The following ATXN1 variants were observed in gnomAD, a reference collection of about 807,000 sequenced individuals.
ATXN1 encodes ataxin 1.
In ATXN1, 8 loss-of-function variants were observed where a neutral mutation model predicts 56.4. The observed-to-expected ratio is 0.14, with a 90% CI of 0.08 to 0.26. The LOEUF is 0.26. Among genes scored for constraint, ATXN1 ranks in the 10% least tolerant of loss-of-function variants. The pLI is 1.00. For synonymous variants in ATXN1, 514 were observed against 494.6 expected (o/e 1.04, Z -0.52); for missense variants, 987 against 1,106.5 (o/e 0.89, Z 1.53).
At chr6:16,438,098 A>G (rs896794471) in intron 6 of ATXN1, among the ~76,000 whole-genome samples, 1 of 152,264 alleles carries the variant, frequency 6.6e-6, no homozygotes, top group Non-Finnish European at 1.5e-5. Context: ...TGCAGTTCAC[A>G]GTACGGTTCA....
At chr6:16,454,636 CAG>C (rs1759829784) in intron 6 of ATXN1, among the ~76,000 whole-genome samples, 1 of 152,214 alleles carries the variant, frequency 6.6e-6, no homozygotes, top group South Asian at 2.1e-4. Context: ...TTGTATTATA[CAG>C]AGACTGGAAC....
chr6:16,339,726 T>C (rs559293390), intron 6 of ATXN1, among the ~76,000 whole-genome samples: 1 of 152,330 alleles, frequency 6.6e-6, no homozygotes, highest in South Asian at 2.1e-4. Flanking sequence ...AAAATCCTAA[T>C]ATGAAAACTT....
chr6:16,652,928 C>T (rs892515537), intron 3 of ATXN1: 2 of 152,178 alleles, frequency 1.3e-5, no homozygotes, highest in Non-Finnish European at 2.9e-5. Flanking sequence ...CAACACTGGG[C>T]TTGAAGGTGC....
At chr6:16,520,957 A>C (rs1004049871) in intron 5 of ATXN1, among the ~76,000 whole-genome samples, 2 of 152,238 alleles carry the variant, frequency 1.3e-5, no homozygotes. Context: ...TAGTTAGGGA[A>C]GAAGACAAAG....
intron 6 of ATXN1, among the ~76,000 whole-genome samples, chr6:16,472,075 G>A (rs924277841): frequency 1.1e-4 from 17 of 152,246 alleles, no homozygotes; most frequent in African/African-American, 2.9e-4. Context: ...TGGTTACAGC[G>A]CTTAAGGTAA....
chr6:16,616,219 TGAAA>T (rs1763206283), intron 3 of ATXN1: 1 of 152,110 alleles, frequency 6.6e-6, no homozygotes, highest in Non-Finnish European at 1.5e-5. Flanking sequence ...GGGAATTAGC[TGAAA>T]GACTCTAGAA....
At chr6:16,358,805 CT>C (rs1761746567) in intron 6 of ATXN1, among the ~76,000 whole-genome samples, 3 of 152,362 alleles carry the variant, frequency 2.0e-5, no homozygotes, top group Admixed American at 2.0e-4. Flanking sequence ...TCCCTGTGCT[CT>C]TGGGGGAGCC....
At position 16,302,570 on chromosome 6, in the gene ATXN1, G is replaced by A. The variant is rs2113366486; in HGVS notation, c.*3759C>T. 1 of 152,694 alleles carries A rather than the reference G, an allele frequency of 6.5e-6. No individual in the cohort carries two copies. The highest frequency in any genetic ancestry group is 2.4e-5 in the African/African-American group (1 of 41,556). The allele number at this position is 152,694 out of a possible 1,614,324, so 9.5% of individuals were successfully genotyped here. On this transcript the variant is annotated 3_prime_UTR_variant, in exon 8 of 8. Coordinates refer to ENST00000436367, the MANE Select transcript of ATXN1 (RefSeq NM_001128164.2). ...TGCCCCAGTGTGGCCCAGACAAACT[G>A]AAATAATTCTTAAGTTAAACATTCT...
chr6:16,346,277 C>T (rs568536758), intron 6 of ATXN1, among the ~76,000 whole-genome samples: 24 of 152,284 alleles, frequency 1.6e-4, no homozygotes, highest in Admixed American at 5.9e-4. Flanking sequence ...TGGTCTCAAA[C>T]TCCTGACCTC....
chr6:16,625,628 A>G (rs149988131), intron 3 of ATXN1, among the ~76,000 whole-genome samples: 108 of 152,272 alleles, frequency 7.1e-4, no homozygotes, highest in Admixed American at 1.7e-3. Flanking sequence ...ACGATGCCAG[A>G]CATTAGGGAC....
At chr6:16,541,045 AT>A (rs1206473987) in intron 4 of ATXN1, among the ~76,000 whole-genome samples, 2 of 152,138 alleles carry the variant, frequency 1.3e-5, no homozygotes, top group Admixed American at 6.5e-5. Context: ...TTTAAAAAAA[AT>A]TTTTTTTAAC....
At chr6:16,483,751 A>AAC (rs1179739701) in intron 6 of ATXN1, among the ~76,000 whole-genome samples, 1 of 152,226 alleles carries the variant, frequency 6.6e-6, no homozygotes, top group Admixed American at 6.5e-5. Flanking sequence ...GTGTCACATG[A>AAC]ACAGTTCAAA....
intron 6 of ATXN1, among the ~76,000 whole-genome samples, chr6:16,387,679 A>T (rs1286144528): frequency 6.6e-6 from 1 of 152,196 alleles, no homozygotes; most frequent in Non-Finnish European, 1.5e-5. Context: ...TTCGTTATGA[A>T]ACACTGCAAC....
intron 4 of ATXN1, among the ~76,000 whole-genome samples, chr6:16,523,708 C>T (rs938523376): frequency 1.3e-5 from 2 of 152,090 alleles, no homozygotes; most frequent in South Asian, 2.1e-4. Context: ...GGCAGAGGGG[C>T]GCTGGAGGCC....
intron 4 of ATXN1, among the ~76,000 whole-genome samples, chr6:16,570,574 G>A (rs73368772): frequency 0.069 from 10,535 of 152,198 alleles, 1,153 homozygotes; most frequent in African/African-American, 0.24. Context: ...ATCCATGGAA[G>A]TGGCACCAAG....
chr6:16,563,206 T>C (rs958911181), intron 4 of ATXN1, among the ~76,000 whole-genome samples: 1 of 151,904 alleles, frequency 6.6e-6, no homozygotes, highest in African/African-American at 2.4e-5. Flanking sequence ...TGAGGGTAAG[T>C]TTTGAAGAGA....
At chr6:16,431,369 C>T (rs1204224344) in intron 6 of ATXN1, among the ~76,000 whole-genome samples, 9 of 152,060 alleles carry the variant, frequency 5.9e-5, no homozygotes, top group Admixed American at 5.9e-4. Context: ...TTTTTAAACT[C>T]GAGTGCAGAT....
chr6:16,503,700 A>G (rs1304867864), intron 5 of ATXN1, among the ~76,000 whole-genome samples: 1 of 152,208 alleles, frequency 6.6e-6, no homozygotes, highest in Non-Finnish European at 1.5e-5. Context: ...GGCTTCATAA[A>G]TATTTGTTGA....
chr6:16,459,064 G>A (rs1759939228), intron 6 of ATXN1, among the ~76,000 whole-genome samples: 1 of 152,216 alleles, frequency 6.6e-6, no homozygotes, highest in Non-Finnish European at 1.5e-5. Context: ...CTGTAACCAG[G>A]TATTTCTCCC....
Sources: gnomAD v4.1 joint callset for allele counts (sites outside exome capture counted in the v4.1 genomes callset) on GRCh38, gnomAD v4.1.1 for gene constraint, MANE v1.5 for transcripts, NCBI Gene and HGNC (gene_info 2026-07-23, HGNC 2026-07-21) for gene names.